The following CIROZ variants were observed in gnomAD, a reference collection of about 807,000 sequenced individuals.
The protein encoded by CIROZ is ciliated left-right organizer ZP-N domains-containing protein.
chr1:10,957,552 T>C, the CIROZ span: 372,524 of 1,579,990 alleles, frequency 0.24, 54,257 homozygotes, highest in African/African-American at 0.62. Context: ...GGCAACCTGC[T>C]CTTCTAGGTG....
the CIROZ span, among the ~76,000 whole-genome samples, chr1:10,959,196 A>G: frequency 6.6e-6 from 1 of 152,208 alleles, no homozygotes; most frequent in South Asian, 2.1e-4. This position sits in a 1 kb window ranked among gnomAD's most constrained non-coding sequence, Gnocchi z 4.3. Flanking sequence ...GGTCCCAGAG[A>G]GTACACATGT....
At chr1:10,964,284 C>T in the CIROZ span, 1 of 1,601,918 alleles carries the variant, frequency 6.2e-7, no homozygotes, top group Non-Finnish European at 8.5e-7. Flanking sequence ...GGAAGTAGGG[C>T]AAAATTCATG....
chr1:10,966,703 C>A, the CIROZ span, among the ~76,000 whole-genome samples: 1 of 152,202 alleles, frequency 6.6e-6, no homozygotes, highest in East Asian at 1.9e-4. Context: ...CCAACCCCAT[C>A]TCCCCACGTG....
At chr1:10,976,335 TTC>T in the CIROZ span, 1 of 960,712 alleles carries the variant, frequency 1.0e-6, no homozygotes, top group Non-Finnish European at 1.5e-6. Flanking sequence ...CTCATTATAT[TTC>T]TTTTTTTTTT....
At chr1:10,968,158 CAATAAATA>C in the CIROZ span, among the ~76,000 whole-genome samples, 1 of 149,056 alleles carries the variant, frequency 6.7e-6, no homozygotes, top group Non-Finnish European at 1.5e-5. Context: ...GACTCCGTCT[CAATAAATA>C]AATAAATAAG....
At chr1:10,963,049 G>A in the CIROZ span, among the ~76,000 whole-genome samples, 2 of 152,116 alleles carry the variant, frequency 1.3e-5, no homozygotes, top group African/African-American at 4.8e-5. Flanking sequence ...AAGCTCAGGA[G>A]GTCAAGGCTG....
chr1:10,971,011 G>C, the CIROZ span, among the ~76,000 whole-genome samples: 1 of 109,640 alleles, frequency 9.1e-6, no homozygotes, highest in African/African-American at 3.6e-5. Context: ...AATTAGCGGA[G>C]CATCGTGGTG....
chr1:10,947,800 A>G, the CIROZ span: 2 of 1,599,652 alleles, frequency 1.3e-6, no homozygotes, highest in Admixed American at 3.4e-5. Flanking sequence ...TGGAAGGGGT[A>G]TTCAAGCTCC....
At chr1:10,975,888 T>G in the CIROZ span, among the ~76,000 whole-genome samples, 2 of 117,490 alleles carry the variant, frequency 1.7e-5, no homozygotes, top group East Asian at 4.4e-4. Flanking sequence ...ACGCTCCCTG[T>G]GCTGGTTTTA....
the CIROZ span, among the ~76,000 whole-genome samples, chr1:10,966,668 T>TC: frequency 6.6e-6 from 1 of 152,186 alleles, no homozygotes; most frequent in African/African-American, 2.4e-5. Flanking sequence ...GCCCGATGGT[T>TC]CTTCATTCAA....
the CIROZ span, chr1:10,976,359 G>C: frequency 1.3e-6 from 1 of 788,752 alleles, no homozygotes; most frequent in African/African-American, 1.8e-5. Flanking sequence ...TTTCTGAGAC[G>C]GAGTCTCGCT....
At chr1:10,966,600 A>G in the CIROZ span, 24 of 1,153,824 alleles carry the variant, frequency 2.1e-5, no homozygotes, top group African/African-American at 3.7e-4. Flanking sequence ...TCTTACCTGG[A>G]AGGGATAAAA....
the CIROZ span, among the ~76,000 whole-genome samples, chr1:10,979,350 A>G: frequency 6.6e-6 from 1 of 152,166 alleles, no homozygotes; most frequent in Non-Finnish European, 1.5e-5. Flanking sequence ...ACTATTTAAA[A>G]TGACTGCAGG....
At chr1:10,969,550 C>T in the CIROZ span, among the ~76,000 whole-genome samples, 1 of 152,164 alleles carries the variant, frequency 6.6e-6, no homozygotes, top group Non-Finnish European at 1.5e-5. Flanking sequence ...TGGAGCATAG[C>T]GGCACCAGAT....
chr1:10,963,443 G>T, the CIROZ span, among the ~76,000 whole-genome samples: 1 of 151,084 alleles, frequency 6.6e-6, no homozygotes, highest in African/African-American at 2.4e-5. Flanking sequence ...ATGAAGGAAT[G>T]AGTAAAATTC....
At chr1:10,954,198 G>A in the CIROZ span, 2 of 1,557,816 alleles carry the variant, frequency 1.3e-6, no homozygotes, top group Non-Finnish European at 8.7e-7. Flanking sequence ...GCTCACGCCT[G>A]TAATCCCAGC....
the CIROZ span, among the ~76,000 whole-genome samples, chr1:10,978,202 G>A: frequency 2.7e-5 from 4 of 148,712 alleles, no homozygotes; most frequent in Non-Finnish European, 4.5e-5. Context: ...TAGCCACCAC[G>A]CCCGGCTAAT....
At chr1:10,954,630 A>G in the CIROZ span, among the ~76,000 whole-genome samples, 13,149 of 151,810 alleles carry the variant, frequency 0.087, 930 homozygotes, top group African/African-American at 0.2. Flanking sequence ...TGCCCTCCAC[A>G]TTTCTTTCTT....
the CIROZ span, among the ~76,000 whole-genome samples, chr1:10,950,875 C>T: frequency 1.3e-5 from 2 of 152,294 alleles, no homozygotes; most frequent in Non-Finnish European, 2.9e-5. Flanking sequence ...ACCAGGTTCT[C>T]GTGGAAAACC....
Sources: allele counts gnomAD v4.1 joint callset (sites outside exome capture counted in the v4.1 genomes callset), GRCh38; gene constraint gnomAD v4.1.1; non-coding constraint Gnocchi (gnomAD v3.1); transcripts MANE v1.5; gene names NCBI Gene and HGNC (gene_info 2026-07-23, HGNC 2026-07-21).